The following TCAIM variants were observed in gnomAD, a reference collection of about 807,000 sequenced individuals.
TCAIM encodes T-cell activation inhibitor, mitochondrial.
A neutral mutation model predicts 58.6 loss-of-function variants in TCAIM; 36 were observed. That is an observed-to-expected ratio of 0.61 (90% CI 0.47 to 0.81). The LOEUF is 0.81. Among genes scored for constraint, TCAIM ranks in the 30% least tolerant of loss-of-function variants. The pLI is 0.00. For missense variants in TCAIM, 466 were observed against 579.6 expected, an observed-to-expected ratio of 0.80 and a Z score of 2.01; for synonymous variants, 172 against 193.6, an observed-to-expected ratio of 0.89 and a Z score of 0.93.
intron 4 of TCAIM, among the ~76,000 whole-genome samples, chr3:44,366,801 C>T (rs1322595726): frequency 2.6e-5 from 4 of 151,906 alleles, no homozygotes; most frequent in Non-Finnish European, 4.4e-5. Flanking sequence ...GGGGTTTCAC[C>T]GTCTTGGTCA....
intron 1 of TCAIM, chr3:44,340,409 G>T (rs944637838): frequency 2.6e-5 from 4 of 152,184 alleles, no homozygotes; most frequent in Non-Finnish European, 5.9e-5. Flanking sequence ...AGATCTGGGC[G>T]TTGTGAAGCG....
rs780735940 is a variant in TCAIM, at chr3:44,407,724, CTTAAA to C, written c.*48_*52del. Reference sequence around the variant, plus strand: ...ATTTTTTTAAGAGATAAGAAAGGAACTTAAATTAAAAATATTTAAATCCACAATTT... The same window carrying C: ...ATTTTTTTAAGAGATAAGAAAGGAACTTAAAAATATTTAAATCCACAATTT... On this transcript the variant is annotated 3_prime_UTR_variant, in exon 11 of 11. Coordinates refer to ENST00000342649, the MANE Select transcript of TCAIM (RefSeq NM_173826.4). 2.0e-6 allele frequency: 3 copies of C among 1,501,456 alleles called. No homozygotes were observed. Among genetic ancestry groups the C allele is most frequent in the African/African-American group, 1.4e-5 (1 of 70,210 alleles). The allele number at this position is 1,501,456 out of a possible 1,614,324, so 93.0% of individuals were successfully genotyped here.
At chr3:44,371,956 C>T (rs937250540) in intron 5 of TCAIM, among the ~76,000 whole-genome samples, 6 of 147,848 alleles carry the variant, frequency 4.1e-5, no homozygotes, top group South Asian at 2.1e-4. Context: ...ATACCATATT[C>T]GCTCCCCAAA....
In TCAIM at chr3:44,400,373, A is replaced by G. The variant is rs772587068; in HGVS notation, c.904A>G (p.Ser302Gly). The G allele has an allele frequency of 6.2e-7, 1 of 1,613,450 alleles. No homozygotes were observed. Among genetic ancestry groups the G allele is most frequent in the South Asian group, 1.1e-5 (1 of 90,992 alleles). ...HWTKLFERLP[S>G]YFDLQRRLMI... Reference sequence around the variant, plus strand: ...ACTGTAGCTTTTTGAAAGATTGCCAAGTTATTTTGACCTTCAGAGGAGGCT... The same window carrying G: ...ACTGTAGCTTTTTGAAAGATTGCCAGGTTATTTTGACCTTCAGAGGAGGCT... Residue 302 changes from serine to glycine, a missense_variant, in exon 9 of 11, where the codon AGT (serine) becomes GGT (glycine). Ser to Gly is a moderately conservative substitution (Grantham distance 56). Transcript: ENST00000342649.
intron 10 of TCAIM, among the ~76,000 whole-genome samples, chr3:44,406,980 G>C (rs1164886268): frequency 6.6e-6 from 1 of 152,208 alleles, no homozygotes; most frequent in Non-Finnish European, 1.5e-5. Flanking sequence ...AGGAGAGTAA[G>C]AGTGAAGAGA....
intron 8 of TCAIM, among the ~76,000 whole-genome samples, chr3:44,399,153 G>A (rs1413810738): frequency 6.6e-6 from 1 of 152,110 alleles, no homozygotes; most frequent in Non-Finnish European, 1.5e-5. Flanking sequence ...ACAAACGCAT[G>A]CAAGTAAAAC....
At chr3:44,361,244 C>A in intron 3 of TCAIM, 121 bp from the exon 4 acceptor site, 1 of 889,118 alleles carries the variant, frequency 1.1e-6, no homozygotes, top group South Asian at 3.2e-5. Context: ...TATGAAATCC[C>A]AACATTTTTA....
intron 1 of TCAIM, among the ~76,000 whole-genome samples, chr3:44,345,624 A>G (rs573130454): frequency 8.5e-5 from 13 of 152,168 alleles, no homozygotes; most frequent in Non-Finnish European, 1.8e-4. Context: ...AGGATTAGAA[A>G]CGGCTAGGAG....
In TCAIM at chr3:44,367,619, C is replaced by A. The variant is rs1279607109; in HGVS notation, c.483C>A (p.Ile161=). 1 of 1,614,094 alleles carries A rather than the reference C, an allele frequency of 6.2e-7. No homozygotes were observed. Among genetic ancestry groups the A allele is most frequent in the Non-Finnish European group, 8.5e-7 (1 of 1,180,010 alleles). ...KEAKRMPDRP[I]KWDKSYYSFT... ...CTAAAAGGATGCCTGACAGGCCCAT[C>A]AAATGGGACAAGTCTTATTACTCCT... Residue 161 remains isoleucine (I), a synonymous_variant, in exon 5 of 11, where the codon ATC becomes ATA. Transcript: ENST00000342649.
chr3:44,355,436 C>T (rs1203675009), intron 2 of TCAIM, among the ~76,000 whole-genome samples: 1 of 152,146 alleles, frequency 6.6e-6, no homozygotes, highest in Non-Finnish European at 1.5e-5. Flanking sequence ...TGGATTTATT[C>T]TGCAGGAATT....
chr3:44,376,233 T>G (rs1701563809), intron 5 of TCAIM, among the ~76,000 whole-genome samples: 1 of 152,208 alleles, frequency 6.6e-6, no homozygotes, highest in African/African-American at 2.4e-5. Context: ...AAATTGACTG[T>G]GGTGGTGGTT....
intron 1 of TCAIM, among the ~76,000 whole-genome samples, chr3:44,351,347 G>GTT (rs1042201935): frequency 6.8e-6 from 1 of 146,204 alleles, no homozygotes; most frequent in African/African-American, 2.5e-5. Flanking sequence ...AGCCCCAAAT[G>GTT]TTTTTTTTTT....
At chr3:44,390,528 C>G (rs1478971669) in intron 5 of TCAIM, among the ~76,000 whole-genome samples, 1 of 152,156 alleles carries the variant, frequency 6.6e-6, no homozygotes, top group Non-Finnish European at 1.5e-5. Flanking sequence ...GAGGCTAAGT[C>G]TGGAGGATCA....
At chr3:44,365,979 CA>C (rs1701367744) in intron 4 of TCAIM, among the ~76,000 whole-genome samples, 1 of 152,070 alleles carries the variant, frequency 6.6e-6, no homozygotes, top group African/African-American at 2.4e-5. Context: ...TTTTAATTTT[CA>C]AAACTAATTA....
chr3:44,338,727 C>G (rs1466207109), upstream of TCAIM: 1 of 152,304 alleles, frequency 6.6e-6, no homozygotes, highest in African/African-American at 2.4e-5. Flanking sequence ...AGTGCGCATG[C>G]GCGTCCGAAC....
intron 1 of TCAIM, among the ~76,000 whole-genome samples, chr3:44,354,341 A>G (rs561903423): frequency 1.3e-5 from 2 of 152,354 alleles, no homozygotes; most frequent in African/African-American, 4.8e-5. Context: ...GAAATAAAGT[A>G]GTATCACTTT....
intron 2 of TCAIM, among the ~76,000 whole-genome samples, chr3:44,355,937 T>C (rs1701182213): frequency 1.3e-5 from 2 of 152,222 alleles, no homozygotes; most frequent in South Asian, 4.1e-4. Flanking sequence ...GAGTTGCCAC[T>C]GTGGTTTACT....
chr3:44,386,509 C>G (rs1351908703), intron 5 of TCAIM, among the ~76,000 whole-genome samples: 2 of 152,222 alleles, frequency 1.3e-5, no homozygotes, highest in African/African-American at 4.8e-5. Flanking sequence ...CTGCAGCTAC[C>G]CAGCCACCCA....
intron 5 of TCAIM, among the ~76,000 whole-genome samples, chr3:44,383,809 CAAAAAAA>C (rs71089100): frequency 2.5e-4 from 24 of 95,382 alleles, no homozygotes; most frequent in African/African-American, 7.2e-4. Context: ...CCTGTCTCTA[CAAAAAAA>C]AAAAAAAAAA....
Sources: gnomAD v4.1 joint callset for allele counts (sites outside exome capture counted in the v4.1 genomes callset) on GRCh38, gnomAD v4.1.1 for gene constraint, MANE v1.5 for transcripts, NCBI Gene and HGNC (gene_info 2026-07-23, HGNC 2026-07-21) for gene names.